The following RALGPS1 variants were observed in gnomAD, a reference collection of about 807,000 sequenced individuals.
RALGPS1 encodes ras-specific guanine nucleotide-releasing factor RalGPS1.
Under a neutral mutation model 78.8 loss-of-function variants are expected in RALGPS1, and 19 were observed. The observed-to-expected ratio is 0.24, with a 90% CI of 0.17 to 0.35. The LOEUF (loss-of-function observed/expected upper bound fraction) is 0.35, where lower values mean the gene tolerates loss of function less well. RALGPS1 is among the 10% of genes least tolerant of loss of function. The pLI is 1.00. For missense variants in RALGPS1, 454 were observed against 688.3 expected (o/e 0.66, Z 3.81); for synonymous variants, 228 against 256.3 (o/e 0.89, Z 1.06).
At position 127,151,663 on chromosome 9, in the gene RALGPS1, G is replaced by GT. The variant is rs1266265060; in HGVS notation, c.611-14402dup. Among the ~76,000 whole-genome samples, 10 of 152,012 alleles carry GT rather than the reference G, an allele frequency of 6.6e-5. No homozygotes were observed. In the East Asian group the frequency reaches 1.7e-3, roughly 26 times the overall value. On this transcript the variant is annotated intron_variant, in intron 8 of 18. Coordinates refer to ENST00000259351, the MANE Select transcript of RALGPS1 (RefSeq NM_014636.3). ...GCCTGAGTCTTTGCAAGAGTTTTTT[G>GT]TTTTCGTTTTTGTTTTTAATTCAAG...
At position 127,211,704 on chromosome 9, in the gene RALGPS1, C is replaced by T. The variant is rs1009538217; in HGVS notation, c.1248-427C>T. Among the ~76,000 whole-genome samples, 3 of 152,150 alleles carry T rather than the reference C, an allele frequency of 2.0e-5. No homozygotes were observed. Among genetic ancestry groups the T allele is most frequent in the Non-Finnish European group, 2.9e-5 (2 of 68,016 alleles). ...CTCCTGTCCCTCCACACCACCTCTT[C>T]CCTTCCTCGCTGCTCTCTGAGGCTC... is the stretch of plus-strand genomic sequence containing the variant. On this transcript the variant is annotated intron_variant, in intron 14 of 18. Coordinates refer to ENST00000259351, the MANE Select transcript of RALGPS1 (RefSeq NM_014636.3). The surrounding 1 kb of genome is among the most constrained non-coding windows in gnomAD (Gnocchi z 5.0).
intron 8 of RALGPS1, among the ~76,000 whole-genome samples, chr9:127,105,667 T>C (rs1026106307): frequency 6.6e-6 from 1 of 152,194 alleles, no homozygotes; most frequent in Admixed American, 6.5e-5. Context: ...GCATTCCTGA[T>C]TTTAGAAATT....
chr9:126,948,115 G>C (rs1451332103), intron 1 of RALGPS1, among the ~76,000 whole-genome samples: 2 of 152,124 alleles, frequency 1.3e-5, no homozygotes, highest in African/African-American at 4.8e-5. Flanking sequence ...GTTAACCCTG[G>C]GGACAGGGAC....
intron 8 of RALGPS1, among the ~76,000 whole-genome samples, chr9:127,078,198 AT>A (rs1367622520): frequency 3.3e-5 from 5 of 152,160 alleles, no homozygotes; most frequent in Non-Finnish European, 7.4e-5. Context: ...GAAGGAAACT[AT>A]TTCCATGATT....
At chr9:127,119,728 TGTA>T (rs1234415527) in intron 8 of RALGPS1, among the ~76,000 whole-genome samples, 21 of 152,200 alleles carry the variant, frequency 1.4e-4, no homozygotes, top group African/African-American at 5.1e-4. Flanking sequence ...AGCAATAACA[TGTA>T]GTCCCCTGCT....
At chr9:127,093,596 T>C (rs2136485289) in intron 8 of RALGPS1, 1 of 1,046,506 alleles carries the variant, frequency 9.6e-7, no homozygotes. Flanking sequence ...CTCAGGTATA[T>C]GTGTTGTTGG....
intron 7 of RALGPS1, among the ~76,000 whole-genome samples, chr9:127,061,621 C>T (rs2049221114): frequency 6.6e-6 from 1 of 152,184 alleles, no homozygotes; most frequent in Admixed American, 6.5e-5. Context: ...GGCCCGTGCT[C>T]ATGCCTTTTG....
intron 14 of RALGPS1, among the ~76,000 whole-genome samples, chr9:127,200,097 T>C (rs1412094001): frequency 6.6e-6 from 1 of 152,160 alleles, no homozygotes; most frequent in Non-Finnish European, 1.5e-5. Context: ...CACGTACATA[T>C]GCATGCATGC....
intron 8 of RALGPS1, among the ~76,000 whole-genome samples, chr9:127,112,733 T>C (rs2054968337): frequency 6.6e-6 from 1 of 152,214 alleles, no homozygotes; most frequent in African/African-American, 2.4e-5. Context: ...AATAATGTGT[T>C]AGCAATACGA....
intron 4 of RALGPS1, among the ~76,000 whole-genome samples, chr9:126,989,532 A>T (rs2042097688): frequency 6.6e-6 from 1 of 152,074 alleles, no homozygotes. Flanking sequence ...CCCAGTATCT[A>T]TTCCTGGGTT....
At chr9:126,970,300 TG>T (rs1451597623) in intron 3 of RALGPS1, among the ~76,000 whole-genome samples, 5 of 152,166 alleles carry the variant, frequency 3.3e-5, no homozygotes, top group Non-Finnish European at 7.4e-5. Flanking sequence ...TATCAGCATC[TG>T]TAGAGGAGAA....
intron 4 of RALGPS1, among the ~76,000 whole-genome samples, chr9:126,988,394 T>A (rs2041996639): frequency 1.3e-5 from 2 of 152,082 alleles, no homozygotes; most frequent in Non-Finnish European, 2.9e-5. Flanking sequence ...GCCCTGAGCA[T>A]TCACTGAGAG....
In RALGPS1 at chr9:127,211,029, C is replaced by G. The variant is rs2062223383; in HGVS notation, c.1248-1102C>G. On this transcript the variant is annotated intron_variant, in intron 14 of 18. Transcript: ENST00000259351. This position sits in a 1 kb window ranked among gnomAD's most constrained non-coding sequence, Gnocchi z 5.0. ...AGACTGGAAGAATGATAGGAATTCGCCAAATAATTGGAAGTGGAGGGGCAA... is the reference window on the plus strand; with the variant it reads ...AGACTGGAAGAATGATAGGAATTCGGCAAATAATTGGAAGTGGAGGGGCAA... Among the ~76,000 whole-genome samples, 1 of 152,086 alleles carries G rather than the reference C, an allele frequency of 6.6e-6. No individual in the cohort carries two copies. The highest frequency in any genetic ancestry group is 1.5e-5 in the Non-Finnish European group (1 of 68,018).
intron 18 of RALGPS1, chr9:127,217,288 A>G: frequency 2.7e-6 from 3 of 1,120,564 alleles, no homozygotes; most frequent in Non-Finnish European, 3.3e-6. Flanking sequence ...TTTACTTTCA[A>G]CCAAATATTC....
At chr9:127,163,531 T>A (rs1359903288) in intron 8 of RALGPS1, among the ~76,000 whole-genome samples, 3 of 152,228 alleles carry the variant, frequency 2.0e-5, no homozygotes, top group Non-Finnish European at 4.4e-5. Flanking sequence ...TTTCTGTGAT[T>A]TAACAGTTTC....
chr9:127,069,988 A>C (rs963526061), intron 8 of RALGPS1: 2 of 152,212 alleles, frequency 1.3e-5, no homozygotes, highest in African/African-American at 4.8e-5. Flanking sequence ...GTCAAACTCG[A>C]ATCTGCTCTC....
At chr9:127,074,822 T>A (rs534037995) in intron 8 of RALGPS1, among the ~76,000 whole-genome samples, 1 of 152,250 alleles carries the variant, frequency 6.6e-6, no homozygotes, top group African/African-American at 2.4e-5. Context: ...CTCTTGACAC[T>A]GCCCTCTCCT....
At chr9:127,176,819 C>T (rs1245657115) in intron 11 of RALGPS1, among the ~76,000 whole-genome samples, 4 of 152,162 alleles carry the variant, frequency 2.6e-5, no homozygotes, top group African/African-American at 4.8e-5. Context: ...GGATGGTGTT[C>T]GCCTTGGTGT....
intron 4 of RALGPS1, among the ~76,000 whole-genome samples, chr9:127,011,811 C>G (rs1426189824): frequency 1.3e-5 from 2 of 152,204 alleles, no homozygotes; most frequent in Non-Finnish European, 2.9e-5. Context: ...CAGTTCCTCC[C>G]ATCCCCTGTC....
Sources: allele counts gnomAD v4.1 joint callset (sites outside exome capture counted in the v4.1 genomes callset), GRCh38; gene constraint gnomAD v4.1.1; non-coding constraint Gnocchi (gnomAD v3.1); transcripts MANE v1.5; gene names NCBI Gene and HGNC (gene_info 2026-07-23, HGNC 2026-07-21).